Variants in KLK7 observed in about 807,000 individuals in gnomAD.
KLK7 encodes kallikrein related peptidase 7, also known as kallikrein-7.
Under a neutral mutation model 21.0 loss-of-function variants are expected in KLK7, and 17 were observed. The ratio of observed to expected loss-of-function variants is 0.81; its 90% CI spans 0.55 to 1.21. The LOEUF is 1.21. KLK7 is among the 50% of genes most tolerant of loss of function. KLK7 has a pLI of 0.00. For missense variants in KLK7, 330 were observed against 322.8 expected (o/e 1.02, Z -0.17); for synonymous variants, 151 against 134.6 (o/e 1.12, Z -0.85).
intron 5 of KLK7, among the ~76,000 whole-genome samples, chr19:50,979,212 T>A (rs145453218): frequency 6.6e-6 from 1 of 152,156 alleles, no homozygotes; most frequent in African/African-American, 2.4e-5. Flanking sequence ...AGGCACAAAA[T>A]CTCAGTAACT....
chr19:50,978,433 A>G (rs2091052008), intron 5 of KLK7, among the ~76,000 whole-genome samples: 1 of 151,604 alleles, frequency 6.6e-6, no homozygotes, highest in South Asian at 2.1e-4. Flanking sequence ...GGAGAGAGAG[A>G]CAAAGAGAGA....
At chr19:50,979,161 C>G (rs893916804) in intron 5 of KLK7, among the ~76,000 whole-genome samples, 3 of 151,942 alleles carry the variant, frequency 2.0e-5, no homozygotes, top group Non-Finnish European at 2.9e-5. Context: ...GTGTTTTCCC[C>G]GGGACCAGGG....
intron 5 of KLK7, among the ~76,000 whole-genome samples, chr19:50,978,362 G>A (rs564029582): frequency 1.0e-3 from 152 of 152,130 alleles, no homozygotes; most frequent in Non-Finnish European, 1.6e-3. Context: ...GTGCAGATGT[G>A]AGCAAGGAGG....
intron 1 of KLK7, 73 bp from the exon 2 acceptor site, chr19:50,982,530 C>T: frequency 7.2e-7 from 1 of 1,393,734 alleles, no homozygotes; most frequent in Non-Finnish European, 9.5e-7. Flanking sequence ...AGCCCCTCCC[C>T]CCACAGACCC....
chr19:50,983,919 T>A (rs1624358), upstream of KLK7: 1 of 1,288,624 alleles, frequency 7.8e-7, no homozygotes, highest in East Asian at 5.6e-5. Context: ...AAAATCTTCA[T>A]CCCTCTGCTG....
chr19:50,983,400 T>A (rs1485290505), intron 1 of KLK7, among the ~76,000 whole-genome samples: 1 of 97,964 alleles, frequency 1.0e-5, no homozygotes, highest in Admixed American at 1.1e-4. Flanking sequence ...CCCCAGCTCC[T>A]CCTCCCTCAG....
intron 2 of KLK7, 135 bp downstream of exon 2, chr19:50,982,192 G>T: frequency 4.3e-6 from 5 of 1,171,684 alleles, no homozygotes; most frequent in Non-Finnish European, 6.1e-6. Flanking sequence ...CAGGAAGAGC[G>T]GGGGCTTCAG....
intron 1 of KLK7, among the ~76,000 whole-genome samples, chr19:50,982,823 C>T (rs1427414833): frequency 2.3e-5 from 3 of 130,236 alleles, no homozygotes; most frequent in African/African-American, 2.9e-5. Context: ...CCAGCTCCTC[C>T]TCCCTCAGAC....
chr19:50,980,809 A>C (rs1357636580), intron 3 of KLK7, among the ~76,000 whole-genome samples: 1 of 79,708 alleles, frequency 1.3e-5, no homozygotes, highest in Non-Finnish European at 2.5e-5. Context: ...GAGAGAGGAG[A>C]GGGGACAGAG....
At chr19:50,983,977 C>T (rs2091111620), upstream of KLK7, 3 of 1,268,032 alleles carry the variant, frequency 2.4e-6, no homozygotes, top group Non-Finnish European at 3.1e-6. Context: ...CCCCAGCGCC[C>T]TGGGGTGCAG....
intron 1 of KLK7, 37 bp downstream of exon 1, chr19:50,983,814 C>G (rs926061266): frequency 7.8e-7 from 1 of 1,289,340 alleles, no homozygotes. Context: ...ATCACCCTCT[C>G]CCCTACAGGT....
In KLK7 at chr19:50,977,469, GTCATCGGCGTCC is replaced by G; in HGVS notation, c.*55_*66del. The G allele has an allele frequency of 6.7e-7, 1 of 1,485,238 alleles. No individual in the cohort carries two copies. The highest frequency in any genetic ancestry group is 1.2e-5 in the South Asian group (1 of 86,948). The allele number at this position is 1,485,238 out of a possible 1,614,324, so 92.0% of individuals were successfully genotyped here. On this transcript the variant is annotated 3_prime_UTR_variant, in exon 6 of 6. Transcript: ENST00000595820. ...GGTAAAGTCAAATTTGACTTCATAG[GTCATCGGCGTCC>G]TCACTCCTGTGCATTTTCTGTTGGA... is the stretch of plus-strand genomic sequence containing the variant.
intron 5 of KLK7, 70 bp downstream of exon 5, chr19:50,979,718 C>T (rs1266497546): frequency 4.2e-5 from 63 of 1,501,936 alleles, no homozygotes; most frequent in Non-Finnish European, 5.6e-5. Context: ...TCACTCGGGT[C>T]AAGCTCTGTC....
intron 5 of KLK7, among the ~76,000 whole-genome samples, chr19:50,979,046 T>G (rs2091057102): frequency 6.6e-6 from 1 of 150,566 alleles, no homozygotes; most frequent in Non-Finnish European, 1.5e-5. Context: ...AGGAAAAGAA[T>G]GAAATGAAAT....
At chr19:50,981,101 CAG>C (rs1194574990) in intron 3 of KLK7, among the ~76,000 whole-genome samples, 4 of 110,314 alleles carry the variant, frequency 3.6e-5, no homozygotes, top group African/African-American at 1.2e-4. Context: ...CAGAGACCCA[CAG>C]AGAGAGGAGG....
rs1443956672 is a variant in KLK7, at chr19:50,982,278, G to T, written c.73+49C>A. 1.1e-5 allele frequency: 18 copies of T among 1,583,758 alleles called. No homozygotes were observed. In the Admixed American group the frequency reaches 2.9e-4, roughly 26 times the overall value. ...CTGACTCAGGGACTCCTTGGAGAGG[G>T]TCAGTGGGGGCCCTGAGGTGAGGTC... On this transcript the variant is annotated intron_variant, in intron 2 of 5. Coordinates refer to ENST00000595820, the MANE Select transcript of KLK7 (RefSeq NM_005046.4).
chr19:50,977,368 T>C lies in KLK7; in HGVS notation c.*168A>G. On this transcript the variant is annotated 3_prime_UTR_variant, in exon 6 of 6. Coordinates refer to ENST00000595820, the MANE Select transcript of KLK7 (RefSeq NM_005046.4). ...AGGGTTTTGTGTTTCTTTATTTGTTTTGGTTTTAGGTCTTTACCAATTTGA... is the reference window on the plus strand; with the variant it reads ...AGGGTTTTGTGTTTCTTTATTTGTTCTGGTTTTAGGTCTTTACCAATTTGA... 1 of 649,092 alleles carries C rather than the reference T, an allele frequency of 1.5e-6. No individual in the cohort carries two copies. Among genetic ancestry groups the C allele is most frequent in the Non-Finnish European group, 2.7e-6 (1 of 376,310 alleles). 40.2% of individuals were successfully genotyped at this position (649,092 alleles called of 1,614,324 possible). A position where few individuals can be genotyped will look rare whatever the true frequency, so the allele number is the denominator to read the frequency against.
chr19:50,980,524 CTG>C (rs1369860671), intron 3 of KLK7, 37 bp from the exon 4 acceptor site: 26 of 1,611,468 alleles, frequency 1.6e-5, no homozygotes, highest in Non-Finnish European at 2.2e-5. Context: ...AGAAGAGACA[CTG>C]TGACAGAGAG....
In KLK7 at chr19:50,977,439, G is replaced by C; in HGVS notation, c.*97C>G. The C allele has an allele frequency of 8.3e-7, 1 of 1,210,198 alleles. No individual in the cohort carries two copies. Among genetic ancestry groups the C allele is most frequent in the Admixed American group, 1.9e-5 (1 of 53,806 alleles). 75.0% of individuals were successfully genotyped at this position (1,210,198 alleles called of 1,614,324 possible). On this transcript the variant is annotated 3_prime_UTR_variant, in exon 6 of 6. Transcript: ENST00000595820. Reference sequence around the variant, plus strand: ...GAGGTTGGTTTAAATATATCTTTGAGGAAAGGTAAAGTCAAATTTGACTTC... The same window carrying C: ...GAGGTTGGTTTAAATATATCTTTGACGAAAGGTAAAGTCAAATTTGACTTC...
Sources: gnomAD v4.1 joint callset for allele counts (sites outside exome capture counted in the v4.1 genomes callset) on GRCh38, gnomAD v4.1.1 for gene constraint, MANE v1.5 for transcripts, NCBI Gene and HGNC (gene_info 2026-07-23, HGNC 2026-07-21) for gene names.